Variants in CERT1 observed in about 807,000 individuals in gnomAD.
CERT1 encodes the protein ceramide transfer protein.
Under a neutral mutation model 87.9 loss-of-function variants are expected in CERT1, and 31 were observed. That is an observed-to-expected ratio of 0.35 (90% confidence interval 0.27 to 0.48). CERT1 has a LOEUF of 0.48. Among genes scored for constraint, CERT1 ranks in the 20% least tolerant of loss-of-function variants. The probability of loss-of-function intolerance (pLI) is 0.99; values close to 1 mark genes in which losing one functional copy is unlikely to be tolerated. For synonymous variants in CERT1, 289 were observed against 250.9 expected (o/e 1.15, Z -1.44); for missense variants, 487 against 758.0 (o/e 0.64, Z 4.20).
chr5:75,419,935 G>A (rs1055918889), intron 5 of CERT1, among the ~76,000 whole-genome samples: 11 of 151,764 alleles, frequency 7.2e-5, no homozygotes, highest in African/African-American at 1.9e-4. Flanking sequence ...CTATAAGGGT[G>A]CCTTCTATGC....
intron 1 of CERT1, among the ~76,000 whole-genome samples, chr5:75,510,895 A>G (rs1767934864): frequency 6.6e-6 from 1 of 152,048 alleles, no homozygotes; most frequent in Non-Finnish European, 1.5e-5. Context: ...TCAGGTTTAT[A>G]CACCCTTTCC....
intron 2 of CERT1, among the ~76,000 whole-genome samples, chr5:75,471,920 G>C (rs1047842622): frequency 6.6e-6 from 1 of 152,026 alleles, no homozygotes. Context: ...AACAGAAAAG[G>C]TAATCCTAAA....
intron 2 of CERT1, among the ~76,000 whole-genome samples, chr5:75,479,320 G>A (rs1490889458): frequency 6.6e-6 from 1 of 151,944 alleles, no homozygotes; most frequent in Non-Finnish European, 1.5e-5. Context: ...TTTAGGTTTG[G>A]GGGTACATGT....
chr5:75,477,663 A>AC (rs1409098173), intron 2 of CERT1, among the ~76,000 whole-genome samples: 14 of 150,412 alleles, frequency 9.3e-5, no homozygotes, highest in Non-Finnish European at 1.9e-4. Flanking sequence ...AAAAAAAAAA[A>AC]AAAAAACAAC....
chr5:75,479,956 G>GT (rs1411887882), intron 2 of CERT1, among the ~76,000 whole-genome samples: 1 of 152,082 alleles, frequency 6.6e-6, no homozygotes, highest in Non-Finnish European at 1.5e-5. Context: ...AGCATCTGTT[G>GT]TTTTTTGACT....
At chr5:75,370,009 C>G (rs988900628) in intron 17 of CERT1, 4 of 152,202 alleles carry the variant, frequency 2.6e-5, no homozygotes, top group African/African-American at 7.2e-5. Flanking sequence ...TCATTTGAAA[C>G]TGCTAGTTAG....
intron 3 of CERT1, among the ~76,000 whole-genome samples, chr5:75,428,508 C>T (rs984609702): frequency 6.6e-6 from 1 of 152,142 alleles, no homozygotes; most frequent in Non-Finnish European, 1.5e-5. Context: ...GAAACCCTGT[C>T]TCTACTAAAA....
intron 7 of CERT1, among the ~76,000 whole-genome samples, chr5:75,415,241 G>GA (rs1053381131): frequency 6.6e-6 from 1 of 152,098 alleles, no homozygotes; most frequent in African/African-American, 2.4e-5. Context: ...TCAACCTTGA[G>GA]AAAAAATTAC....
chr5:75,491,279 T>A (rs1369167851), intron 2 of CERT1, among the ~76,000 whole-genome samples: 1 of 152,176 alleles, frequency 6.6e-6, no homozygotes, highest in Non-Finnish European at 1.5e-5. Context: ...GGCCTTCTCA[T>A]TTTTTGGTTC....
intron 2 of CERT1, among the ~76,000 whole-genome samples, chr5:75,473,437 A>T (rs1685129131): frequency 5.9e-5 from 9 of 152,074 alleles, no homozygotes. Context: ...AATATGAATG[A>T]ATCTGGAGGG....
At chr5:75,509,319 C>A (rs1023090245) in intron 1 of CERT1, among the ~76,000 whole-genome samples, 3 of 152,132 alleles carry the variant, frequency 2.0e-5, no homozygotes, top group Non-Finnish European at 4.4e-5. Context: ...ATCTACCATA[C>A]TCAGTATGAG....
chr5:75,447,903 T>C (rs1380653511), intron 3 of CERT1, among the ~76,000 whole-genome samples: 2 of 152,168 alleles, frequency 1.3e-5, no homozygotes, highest in Admixed American at 6.5e-5. Flanking sequence ...GCCTCCCCAG[T>C]AGATGGGACT....
At chr5:75,411,418 A>G (rs1418441098) in intron 7 of CERT1, among the ~76,000 whole-genome samples, 1 of 152,164 alleles carries the variant, frequency 6.6e-6, no homozygotes, top group African/African-American at 2.4e-5. Context: ...GGTTCAAGCA[A>G]TTCTCCTGCC....
chr5:75,435,548 G>A (rs1047043587), intron 3 of CERT1, among the ~76,000 whole-genome samples: 2 of 152,132 alleles, frequency 1.3e-5, no homozygotes, highest in Non-Finnish European at 2.9e-5. Flanking sequence ...CAACTCTGTG[G>A]GCTGGTGTTC....
At chr5:75,477,901 T>G (rs930838660) in intron 2 of CERT1, among the ~76,000 whole-genome samples, 12 of 152,146 alleles carry the variant, frequency 7.9e-5, no homozygotes, top group Non-Finnish European at 1.8e-4. Flanking sequence ...GGAAAAAAAG[T>G]TCATTTAAAA....
intron 2 of CERT1, among the ~76,000 whole-genome samples, chr5:75,477,056 T>C (rs1227568887): frequency 2.0e-5 from 3 of 152,208 alleles, no homozygotes; most frequent in Non-Finnish European, 4.4e-5. Flanking sequence ...ATGATAACCT[T>C]TGCAGATATG....
intron 3 of CERT1, among the ~76,000 whole-genome samples, chr5:75,435,469 A>G (rs1477101728): frequency 1.3e-5 from 2 of 152,172 alleles, no homozygotes; most frequent in Non-Finnish European, 2.9e-5. Context: ...CTGGGGAGCT[A>G]GGTGGTAATT....
intron 5 of CERT1, among the ~76,000 whole-genome samples, chr5:75,423,826 T>TAAAATAACAAAA (rs1763489811): frequency 6.6e-6 from 1 of 152,124 alleles, no homozygotes; most frequent in African/African-American, 2.4e-5. Flanking sequence ...AACCACGAGT[T>TAAAATAACAAAA]ATACCTAAGA....
intron 10 of CERT1, among the ~76,000 whole-genome samples, 185 bp downstream of exon 10, chr5:75,400,020 T>C (rs79382152): frequency 1.3e-5 from 2 of 152,094 alleles, no homozygotes; most frequent in African/African-American, 4.8e-5. Flanking sequence ...TAATCCCAGC[T>C]ACCAGGGAGG....
Sources: gnomAD v4.1 joint callset for allele counts (sites outside exome capture counted in the v4.1 genomes callset) on GRCh38, gnomAD v4.1.1 for gene constraint, MANE v1.5 for transcripts, NCBI Gene and HGNC (gene_info 2026-07-23, HGNC 2026-07-21) for gene names.